ATRNL1: variants seen among roughly 807,000 people sequenced by gnomAD.
ATRNL1 encodes the protein attractin-like protein 1.
ATRNL1 carries 95 observed loss-of-function variants against 182.7 expected under a neutral mutation model. The observed-to-expected ratio is 0.52, with a 90% CI of 0.44 to 0.62. The LOEUF is 0.62. Ranked by LOEUF, ATRNL1 falls within the 20% of genes least tolerant of loss-of-function variation. The probability of loss-of-function intolerance (pLI) is 0.00; values close to 1 mark genes in which losing one functional copy is unlikely to be tolerated. For missense variants in ATRNL1, 1,471 were observed against 1,679.5 expected, an observed-to-expected ratio of 0.88 and a Z score of 2.17; for synonymous variants, 576 against 568.3, an observed-to-expected ratio of 1.01 and a Z score of -0.19.
intron 21 of ATRNL1, among the ~76,000 whole-genome samples, chr10:115,437,765 T>C (rs993354231): frequency 6.6e-6 from 1 of 152,040 alleles, no homozygotes; most frequent in Non-Finnish European, 1.5e-5. Context: ...TCCTTCAGAA[T>C]TCATTCAGAA....
At chr10:115,769,030 CTTCA>C (rs1244108670) in intron 27 of ATRNL1, among the ~76,000 whole-genome samples, 1 of 152,000 alleles carries the variant, frequency 6.6e-6, no homozygotes, top group Non-Finnish European at 1.5e-5. Context: ...AATAACTTGT[CTTCA>C]TTAAGTTAGA....
intron 27 of ATRNL1, among the ~76,000 whole-genome samples, chr10:115,831,704 G>A (rs1950564344): frequency 6.6e-6 from 1 of 151,314 alleles, no homozygotes; most frequent in Non-Finnish European, 1.5e-5. Flanking sequence ...TTTGTCATTT[G>A]TAAAGTTTGG....
intron 7 of ATRNL1, among the ~76,000 whole-genome samples, chr10:115,166,046 A>G (rs189566917): frequency 9.8e-4 from 149 of 152,198 alleles, no homozygotes; most frequent in African/African-American, 3.3e-3. Flanking sequence ...AAACTGAAGC[A>G]ATAACTTCTC....
chr10:115,711,157 A>T (rs1947053044), intron 26 of ATRNL1, among the ~76,000 whole-genome samples: 1 of 152,136 alleles, frequency 6.6e-6, no homozygotes, highest in African/African-American at 2.4e-5. Context: ...TTTATTATTG[A>T]TAAAAGTCAT....
rs565422271 is a variant in ATRNL1 at position 115,747,428 on chromosome 10, A to G, written c.3903+20073A>G. ...TCTTGCAGGTGGGAAAACTGGATCGATAACTCAGTGGTAATACTGGGAATA... is the reference window on the plus strand; with the variant it reads ...TCTTGCAGGTGGGAAAACTGGATCGGTAACTCAGTGGTAATACTGGGAATA... On this transcript the variant is annotated intron_variant, in intron 27 of 28. Transcript: ENST00000355044. Among the ~76,000 whole-genome samples, 6 of 152,226 alleles carry G rather than the reference A, an allele frequency of 3.9e-5. No individual in the cohort carries two copies. In the South Asian group the frequency reaches 1.2e-3, roughly 32 times the overall value.
At chr10:115,373,673 A>G (rs1285531034) in intron 19 of ATRNL1, among the ~76,000 whole-genome samples, 3 of 151,964 alleles carry the variant, frequency 2.0e-5, no homozygotes, top group Non-Finnish European at 2.9e-5. Flanking sequence ...TGATCTACAT[A>G]TGTTGGACCA....
chr10:115,642,660 G>C (rs2133860607), intron 26 of ATRNL1, among the ~76,000 whole-genome samples: 1 of 152,258 alleles, frequency 6.6e-6, no homozygotes, highest in East Asian at 1.9e-4. Context: ...GGCCAGGCTT[G>C]TCTCGAACTC....
At chr10:115,841,142 A>G (rs1555096988) in intron 27 of ATRNL1, among the ~76,000 whole-genome samples, 3 of 152,122 alleles carry the variant, frequency 2.0e-5, no homozygotes, top group African/African-American at 7.2e-5. Flanking sequence ...TCCTATTAAC[A>G]GTCATGTTAT....
intron 27 of ATRNL1, among the ~76,000 whole-genome samples, chr10:115,821,249 T>C (rs1950288793): frequency 6.6e-6 from 1 of 152,176 alleles, no homozygotes; most frequent in African/African-American, 2.4e-5. Context: ...ATTAAATATA[T>C]GTTATTCAAT....
intron 28 of ATRNL1, among the ~76,000 whole-genome samples, chr10:115,903,099 A>T (rs1294858088): frequency 1.3e-5 from 2 of 152,148 alleles, no homozygotes; most frequent in African/African-American, 4.8e-5. Context: ...AATCTGACAC[A>T]CACTGGGGAA....
intron 26 of ATRNL1, among the ~76,000 whole-genome samples, chr10:115,652,490 A>G (rs1860073577): frequency 6.6e-6 from 1 of 152,080 alleles, no homozygotes; most frequent in African/African-American, 2.4e-5. Context: ...TATTTCTGAG[A>G]TATGCCAAAC....
At chr10:115,639,316 GAAACAA>G (rs1468987112) in intron 26 of ATRNL1, among the ~76,000 whole-genome samples, 3 of 152,164 alleles carry the variant, frequency 2.0e-5, no homozygotes, top group African/African-American at 7.2e-5. Context: ...GAATGAAAGG[GAAACAA>G]AAACACTGTC....
rs144515513 is a variant in ATRNL1, at chr10:115,682,669, T to TATGATGATG, written c.3796-44555_3796-44547dup. Among the ~76,000 whole-genome samples the TATGATGATG allele has an allele frequency of 1.9e-3, 287 of 150,070 alleles. 2 individuals carry two copies. The highest frequency in any genetic ancestry group is 6.0e-3 in the African/African-American group (245 of 40,518). On this transcript the variant is annotated intron_variant, in intron 26 of 28. Coordinates refer to ENST00000355044, the MANE Select transcript of ATRNL1 (RefSeq NM_207303.4). ...TAGTAAACACTCAATAGATAATACA[T>TATGATGATG]ATGATGATGATGATGATGATGATGA...
At chr10:115,907,756 A>C (rs1952547438) in intron 28 of ATRNL1, among the ~76,000 whole-genome samples, 1 of 151,968 alleles carries the variant, frequency 6.6e-6, no homozygotes. Flanking sequence ...AATATTTTAT[A>C]ATAAAATGTT....
chr10:115,274,323 G>T lies in ATRNL1; in HGVS notation c.2100+5879G>T, dbSNP rs537029916. Among the ~76,000 whole-genome samples the T allele has an allele frequency of 6.6e-5, 10 of 152,148 alleles. No homozygotes were observed. In the South Asian group the frequency reaches 1.0e-3, roughly 16 times the overall value. ...AAATGGGTCAAAGTAACATACCCCAGTGAGGAATGTGTTACCTCCAAAATC... is the reference window on the plus strand; with the variant it reads ...AAATGGGTCAAAGTAACATACCCCATTGAGGAATGTGTTACCTCCAAAATC... On this transcript the variant is annotated intron_variant, in intron 13 of 28. Transcript: ENST00000355044.
chr10:115,603,454 C>G (rs11197340), intron 26 of ATRNL1, among the ~76,000 whole-genome samples: 60,619 of 151,730 alleles, frequency 0.4, 12,864 homozygotes, highest in Middle Eastern at 0.49. Context: ...TTAGAGCAGA[C>G]GATGCTCCTA....
chr10:115,100,756 T>C (rs1564734741), intron 1 of ATRNL1, among the ~76,000 whole-genome samples: 1 of 152,208 alleles, frequency 6.6e-6, no homozygotes, highest in Non-Finnish European at 1.5e-5. Flanking sequence ...TAGAATCAGC[T>C]TGTCAGTTTC....
intron 15 of ATRNL1, among the ~76,000 whole-genome samples, chr10:115,288,679 G>A (rs1018994617): frequency 3.3e-5 from 5 of 151,904 alleles, no homozygotes; most frequent in African/African-American, 4.8e-5. Context: ...GTGCCACCAC[G>A]CCCAGCTAAT....
intron 22 of ATRNL1, among the ~76,000 whole-genome samples, chr10:115,466,880 C>T (rs1304769938): frequency 6.6e-6 from 1 of 151,032 alleles, no homozygotes; most frequent in South Asian, 2.1e-4. Context: ...GTTTAGTCTA[C>T]AGCTAAGCAA....
Sources: allele counts gnomAD v4.1 joint callset (sites outside exome capture counted in the v4.1 genomes callset), GRCh38; gene constraint gnomAD v4.1.1; transcripts MANE v1.5; gene names NCBI Gene and HGNC (gene_info 2026-07-23, HGNC 2026-07-21).